The following NIBAN1 variants were observed in gnomAD, a reference collection of about 807,000 sequenced individuals.
NIBAN1 encodes the protein protein Niban 1.
NIBAN1 carries 81 observed loss-of-function variants against 75.1 expected under a neutral mutation model. The observed-to-expected ratio is 1.08, with a 90% CI of 0.90 to 1.30. NIBAN1 has a LOEUF of 1.30. Ranked by LOEUF, NIBAN1 falls within the 50% of genes most tolerant of loss-of-function variation. The probability of loss-of-function intolerance (pLI) is 0.00; values close to 1 mark genes in which losing one functional copy is unlikely to be tolerated. For missense variants in NIBAN1, 1,133 were observed against 1,128.1 expected, an observed-to-expected ratio of 1.00 and a Z score of -0.06; for synonymous variants, 436 against 424.8, an observed-to-expected ratio of 1.03 and a Z score of -0.32.
At chr1:184,974,280 G>A (rs1659017275) in intron 1 of NIBAN1, 22 bp downstream of exon 1, 3 of 1,548,336 alleles carry the variant, frequency 1.9e-6, no homozygotes, top group African/African-American at 1.4e-5. Context: ...TGCTCCCCAG[G>A]CCCCCGGGCG....
intron 5 of NIBAN1, among the ~76,000 whole-genome samples, chr1:184,856,997 AG>A (rs1202940532): frequency 6.6e-6 from 1 of 152,068 alleles, no homozygotes; most frequent in East Asian, 1.9e-4. Flanking sequence ...CGTGACCCAA[AG>A]CACAGAGGAA....
At chr1:184,917,496 ACCCTG>A (rs1557913698) in intron 1 of NIBAN1, among the ~76,000 whole-genome samples, 1 of 147,036 alleles carries the variant, frequency 6.8e-6, no homozygotes, top group African/African-American at 2.5e-5. Flanking sequence ...GGCGTGAGCC[ACCCTG>A]CCCGGCCGGT....
chr1:184,868,548 G>A (rs1656017044), intron 5 of NIBAN1: 2 of 152,264 alleles, frequency 1.3e-5, no homozygotes, highest in South Asian at 4.1e-4. Context: ...TTTGGGTTAA[G>A]GCACAACTTC....
At chr1:184,837,184 A>C (rs902964004) in intron 5 of NIBAN1, among the ~76,000 whole-genome samples, 2 of 152,170 alleles carry the variant, frequency 1.3e-5, no homozygotes, top group African/African-American at 4.8e-5. Context: ...GTTCACAATC[A>C]CCTACTCTCC....
At chr1:184,845,415 C>T (rs1165534800) in intron 5 of NIBAN1, among the ~76,000 whole-genome samples, 1 of 152,106 alleles carries the variant, frequency 6.6e-6, no homozygotes. Flanking sequence ...ATTAAAATAA[C>T]AATTATGATG....
chr1:184,913,465 T>C (rs1434957419), intron 1 of NIBAN1, among the ~76,000 whole-genome samples: 6 of 152,202 alleles, frequency 3.9e-5, no homozygotes, highest in Admixed American at 2.0e-4. Context: ...ATGCACTCCA[T>C]TGAAACTATT....
At chr1:184,960,435 A>C (rs1236576256) in intron 1 of NIBAN1, among the ~76,000 whole-genome samples, 1 of 152,066 alleles carries the variant, frequency 6.6e-6, no homozygotes, top group Admixed American at 6.5e-5. Context: ...TTACAGTTTA[A>C]AATTTTTTCT....
At chr1:184,806,566 G>A (rs1450262359) in intron 10 of NIBAN1, among the ~76,000 whole-genome samples, 4 of 151,988 alleles carry the variant, frequency 2.6e-5, no homozygotes, top group Non-Finnish European at 2.9e-5. Flanking sequence ...CTGTGTTCCC[G>A]TCACCAGGGT....
intron 3 of NIBAN1, among the ~76,000 whole-genome samples, chr1:184,893,359 C>T (rs1016553713): frequency 6.6e-6 from 1 of 152,100 alleles, no homozygotes; most frequent in African/African-American, 2.4e-5. Context: ...GCTATTCTTT[C>T]CCCTATACCA....
At chr1:184,841,631 A>G (rs1002953689) in intron 5 of NIBAN1, among the ~76,000 whole-genome samples, 1 of 152,230 alleles carries the variant, frequency 6.6e-6, no homozygotes, top group Non-Finnish European at 1.5e-5. Flanking sequence ...GATTCGTTTC[A>G]TGGAGATTCA....
chr1:184,903,326 T>G (rs4651237), intron 1 of NIBAN1, among the ~76,000 whole-genome samples: 57,742 of 152,078 alleles, frequency 0.38, 11,508 homozygotes, highest in East Asian at 0.53. Flanking sequence ...CCTAAGCTGC[T>G]CATAACACCC....
chr1:184,843,617 A>C (rs576852866), intron 5 of NIBAN1, among the ~76,000 whole-genome samples: 175 of 152,298 alleles, frequency 1.1e-3, no homozygotes, highest in Non-Finnish European at 2.1e-3. Context: ...ACAATGACAC[A>C]ATCAATTATT....
In NIBAN1 at chr1:184,811,650, G is replaced by A. The variant is rs917993589; in HGVS notation, c.1174-3415C>T. 2.0e-5 allele frequency among the ~76,000 whole-genome samples: 3 copies of A among 151,632 alleles called. No individual in the cohort carries two copies. The East Asian group carries it at 5.8e-4, about 29-fold the overall frequency. ...GGGACTACAGGCACCCCGCCACCAC[G>A]CCCGGCTAATTTTTGGTATTTTTAG... On this transcript the variant is annotated intron_variant, in intron 9 of 13. Transcript: ENST00000367511.
intron 1 of NIBAN1, among the ~76,000 whole-genome samples, chr1:184,966,827 T>A (rs1310945900): frequency 6.6e-6 from 1 of 152,216 alleles, no homozygotes; most frequent in Non-Finnish European, 1.5e-5. Context: ...CATTTACCCT[T>A]CTTCCAAAAT....
At chr1:184,854,201 C>T (rs1053969999) in intron 5 of NIBAN1, among the ~76,000 whole-genome samples, 3 of 152,136 alleles carry the variant, frequency 2.0e-5, no homozygotes, top group African/African-American at 4.8e-5. Context: ...CCATATTGGA[C>T]AGCACACTCT....
chr1:184,938,431 CT>C (rs1008858669), intron 1 of NIBAN1, among the ~76,000 whole-genome samples: 6 of 152,024 alleles, frequency 3.9e-5, no homozygotes, highest in East Asian at 1.9e-4. Flanking sequence ...CAGTCTTTCT[CT>C]TTTTTTCTTT....
intron 1 of NIBAN1, among the ~76,000 whole-genome samples, chr1:184,934,810 G>A (rs1056160861): frequency 6.6e-6 from 1 of 151,704 alleles, no homozygotes; most frequent in Non-Finnish European, 1.5e-5. Flanking sequence ...CAGGAGAATC[G>A]CTTGAATCTG....
rs189698184 is a variant in NIBAN1 at position 184,901,958 on chromosome 1, G to T, written c.56-2649C>A. Among the ~76,000 whole-genome samples the T allele has an allele frequency of 1.3e-3, 200 of 152,258 alleles. 2 individuals carry two copies. Among genetic ancestry groups the T allele is most frequent in the East Asian group, 2.3e-3 (12 of 5,176 alleles). ...CTAACAATATCATATGTTCTGGGGT[G>T]GGGGGAACCTAAAGTTATTTGGCAA... is the stretch of plus-strand genomic sequence containing the variant. On this transcript the variant is annotated intron_variant, in intron 1 of 13. Coordinates refer to ENST00000367511, the MANE Select transcript of NIBAN1 (RefSeq NM_052966.4).
At chr1:184,845,328 G>A (rs939542983) in intron 5 of NIBAN1, among the ~76,000 whole-genome samples, 1 of 152,170 alleles carries the variant, frequency 6.6e-6, no homozygotes, top group Non-Finnish European at 1.5e-5. Context: ...CTAACAACAA[G>A]CTTAAACAAA....
Sources: gnomAD v4.1 joint callset for allele counts (sites outside exome capture counted in the v4.1 genomes callset) on GRCh38, gnomAD v4.1.1 for gene constraint, MANE v1.5 for transcripts, NCBI Gene and HGNC (gene_info 2026-07-23, HGNC 2026-07-21) for gene names.